GPS1: variants seen among roughly 807,000 people sequenced by gnomAD.
GPS1 encodes the protein COP9 signalosome complex subunit 1.
Under a neutral mutation model 60.0 loss-of-function variants are expected in GPS1, and 11 were observed. That is an observed-to-expected ratio of 0.18 (90% CI 0.12 to 0.30). GPS1 has a LOEUF of 0.30. GPS1 is among the 10% of genes least tolerant of loss of function. The pLI, the probability that GPS1 is intolerant of heterozygous loss-of-function variation, is 1.00. For synonymous variants in GPS1, 343 were observed against 269.8 expected (o/e 1.27, Z -2.66); for missense variants, 543 against 669.2 (o/e 0.81, Z 2.08).
At chr17:82,051,607 T>C (rs767872701), upstream of GPS1, 1 of 1,202,356 alleles carries the variant, frequency 8.3e-7, no homozygotes, top group South Asian at 2.5e-5. The surrounding 1 kb of genome is among the most constrained non-coding windows in gnomAD (Gnocchi z 4.1). Context: ...GGCCGCAGGC[T>C]GGGGGCAGCG....
chr17:82,054,570 C>A lies in GPS1; in HGVS notation c.369C>A (p.Asp123Glu). The A allele has an allele frequency of 6.3e-7, 1 of 1,596,348 alleles. No homozygotes were observed. Residue 123 changes from aspartate to glutamate, a missense_variant, in exon 4 of 13, where the codon GAC becomes GAA. Physicochemically the swap from Asp to Glu is conservative, Grantham distance 45. This residue lies in a region of GPS1 where 181 missense variants were observed against 188.8 expected (regional missense o/e 0.96). Transcript: ENST00000578552. ...PESGVEPPAL[D>E]TAWVEATRKK... is the part of the protein sequence containing the mutation. ...GCGGCGTGGAGCCCCCAGCCCTGGA[C>A]ACGGCCTGGGTGGAGGCCACGCGGA...
Position 82,054,277 on chromosome 17 carries a change from G to T in GPS1, c.308+228G>T. The stretch of plus-strand genomic sequence containing the variant: ...CCAAGGGGAGCTGTTGGAGACTGTG[G>T]CTCAGGGGCCGCCTCCCTGCTGGTT... On this transcript the variant is annotated intron_variant, in intron 3 of 12. Transcript: ENST00000578552. 5.4e-6 allele frequency: 4 copies of T among 742,426 alleles called. No individual in the cohort carries two copies. The South Asian group carries it at 7.9e-5, about 15-fold the overall frequency. The allele number at this position is 742,426 out of a possible 1,614,324, so 46.0% of individuals were successfully genotyped here.
At position 82,052,467 on chromosome 17, in the gene GPS1, C is replaced by T. The variant is rs371663355; in HGVS notation, c.33+503C>T. 4.4e-6 allele frequency: 7 copies of T among 1,608,256 alleles called. No homozygotes were observed. The African/African-American group carries it at 9.4e-5, about 22-fold the overall frequency. ...TGTACGCTGCTCTACGAGGTACCTT[C>T]CAGGACAGGGACCCCCGAGCGAGGG... On this transcript the variant is annotated intron_variant, in intron 1 of 12. Coordinates refer to ENST00000578552, the MANE Select transcript of GPS1 (RefSeq NM_001321092.3).
intron 4 of GPS1, 22 bp from the exon 5 acceptor site, chr17:82,054,876 T>C: frequency 1.3e-6 from 2 of 1,570,630 alleles, no homozygotes; most frequent in South Asian, 2.4e-5. Flanking sequence ...CGGGCTCACT[T>C]GGCTCTGCGC....
intron 2 of GPS1, 36 bp downstream of exon 2, chr17:82,053,402 G>A (rs779933635): frequency 7.1e-7 from 1 of 1,407,840 alleles, no homozygotes; most frequent in Admixed American, 3.1e-5. Flanking sequence ...GGGTGTCTCA[G>A]TCCTGCTGAG....
intron 8 of GPS1, 85 bp downstream of exon 8, chr17:82,056,180 T>G: frequency 7.2e-7 from 1 of 1,383,184 alleles, no homozygotes; most frequent in East Asian, 2.3e-5. Flanking sequence ...CCTGGCCCCC[T>G]GGCCCCAGCG....
chr17:82,057,318 G>A lies in GPS1; in HGVS notation c.*191G>A, dbSNP rs761612913. 1.3e-6 allele frequency: 1 copy of A among 778,812 alleles called. No individual in the cohort carries two copies. The highest frequency in any genetic ancestry group is 2.2e-6 in the Non-Finnish European group (1 of 450,392). The allele number at this position is 778,812 out of a possible 1,614,324, so 48.2% of individuals were successfully genotyped here. On this transcript the variant is annotated 3_prime_UTR_variant, in exon 13 of 13. Coordinates refer to ENST00000578552, the MANE Select transcript of GPS1 (RefSeq NM_001321092.3). ...GTTGTGGCCCTTCCTGGAAGGAGAG[G>A]CCTGCAGGGCTCGACCCTGTGGGTT...
At chr17:82,055,904 T>C (rs2144609503) in intron 7 of GPS1, 79 bp downstream of exon 7, 12 of 1,448,048 alleles carry the variant, frequency 8.3e-6, no homozygotes, top group African/African-American at 1.4e-5. Context: ...GTGAGGTCTC[T>C]CACAAATGGG....
Position 82,054,820 on chromosome 17 carries a change from C to T in GPS1, c.609+10C>T. 6 of 1,585,004 alleles carry T rather than the reference C, an allele frequency of 3.8e-6. No individual in the cohort carries two copies. Among genetic ancestry groups the T allele is most frequent in the Non-Finnish European group, 5.2e-6 (6 of 1,163,534 alleles). Reference sequence around the variant, plus strand: ...CCTCAATGTCATCAAGGTCGGCCTGCCTCGGCGGGCGGGGGTGGGCAGCAT... The same window carrying T: ...CCTCAATGTCATCAAGGTCGGCCTGTCTCGGCGGGCGGGGGTGGGCAGCAT... On this transcript the variant is annotated intron_variant, in intron 4 of 12. Coordinates refer to ENST00000578552, the MANE Select transcript of GPS1 (RefSeq NM_001321092.3).
chr17:82,053,655 T>C (rs1052272874), intron 2 of GPS1: 14 of 579,264 alleles, frequency 2.4e-5, no homozygotes, highest in Non-Finnish European at 4.2e-5. Flanking sequence ...GGGTGCAGGG[T>C]CCCACTCCTG....
rs373314198 is a variant in GPS1, at chr17:82,054,823, C to T, written c.609+13C>T. On this transcript the variant is annotated intron_variant, in intron 4 of 12. Transcript: ENST00000578552. ...CAATGTCATCAAGGTCGGCCTGCCT[C>T]GGCGGGCGGGGGTGGGCAGCATGGC... 7.3e-5 allele frequency: 115 copies of T among 1,583,520 alleles called. No individual in the cohort carries two copies. The highest frequency in any genetic ancestry group is 1.7e-4 in the Middle Eastern group (1 of 5,978).
At position 82,056,045 on chromosome 17, in the gene GPS1, C is replaced by T; in HGVS notation, c.879C>T (p.Ala293=). 1 of 1,612,818 alleles carries T rather than the reference C, an allele frequency of 6.2e-7. No individual in the cohort carries two copies. The highest frequency in any genetic ancestry group is 8.5e-7 in the Non-Finnish European group (1 of 1,179,934). Residue 293 remains alanine (A), a synonymous_variant, in exon 8 of 13, where the codon GCC becomes GCT. Transcript: ENST00000578552. ...SNVAIYGGLC[A]LATFDRQELQ... is the part of the protein sequence containing the mutation. The stretch of plus-strand genomic sequence containing the variant: ...TGGCCATCTACGGTGGCCTGTGCGC[C>T]TTGGCTACCTTTGACCGGCAGGAGC...
upstream of GPS1, chr17:82,051,564 CG>C: frequency 2.2e-6 from 3 of 1,376,622 alleles, no homozygotes; most frequent in Admixed American, 3.0e-5. This position sits in a 1 kb window ranked among gnomAD's most constrained non-coding sequence, Gnocchi z 4.1. Context: ...GTGGTTCTTC[CG>C]GGTGGTCTTG....
chr17:82,056,003 G>A lies in GPS1; in HGVS notation c.837G>A (p.Leu279=), dbSNP rs747001264. The part of the protein sequence containing the change: ...ASFDHCDFPE[L]LSPSNVAIYG... ...GACGCCAGGTCTCTGCTCCTCAGCT[G>A]CTGTCCCCCAGCAACGTGGCCATCT... Residue 279 remains leucine (L), a splice_region_variant and synonymous_variant, in exon 8 of 13, where the codon CTG becomes CTA. Coordinates refer to ENST00000578552, the MANE Select transcript of GPS1 (RefSeq NM_001321092.3). 6.2e-6 allele frequency: 10 copies of A among 1,610,328 alleles called. No individual in the cohort carries two copies. In the East Asian group the frequency reaches 1.8e-4, roughly 29 times the overall value.
At chr17:82,056,134 G>C (rs1295698726) in intron 8 of GPS1, 39 bp downstream of exon 8, 1 of 1,516,602 alleles carries the variant, frequency 6.6e-7, no homozygotes, top group Non-Finnish European at 9.1e-7. Flanking sequence ...GGCTGTCCCC[G>C]TCCCTCTCCG....
chr17:82,051,177 G>A (rs920131396), upstream of GPS1: 30 of 1,304,390 alleles, frequency 2.3e-5, no homozygotes, highest in Admixed American at 3.6e-4. This position sits in a 1 kb window ranked among gnomAD's most constrained non-coding sequence, Gnocchi z 4.1. Context: ...GGGCCTCCCC[G>A]GGCCTCGGGA....
Position 82,054,581 on chromosome 17 carries a change from T to A in GPS1, c.380T>A (p.Val127Glu). ...VEPPALDTAWVEATRKKALLK... is the reference protein window; with the variant it reads ...VEPPALDTAWEEATRKKALLK... ...CCCCCAGCCCTGGACACGGCCTGGGTGGAGGCCACGCGGAAGAAGGCGCTG... is the reference window on the plus strand; with the variant it reads ...CCCCCAGCCCTGGACACGGCCTGGGAGGAGGCCACGCGGAAGAAGGCGCTG... Residue 127 changes from valine to glutamate, a missense_variant, in exon 4 of 13, where the codon GTG becomes GAG. Coordinates refer to ENST00000578552, the MANE Select transcript of GPS1 (RefSeq NM_001321092.3). 1 of 1,601,348 alleles carries A rather than the reference T, an allele frequency of 6.2e-7. No homozygotes were observed.
At chr17:82,053,525 C>A in intron 2 of GPS1, 159 bp downstream of exon 2, 1 of 547,778 alleles carries the variant, frequency 1.8e-6, no homozygotes. Context: ...TGATTGCGCA[C>A]TCACATGAGG....
In GPS1 at chr17:82,054,023, C is replaced by T. The variant is rs762368763; in HGVS notation, c.282C>T (p.Ile94=). The change falls in exon 3 of 13, where the codon ATC becomes ATT. Residue 94 remains isoleucine (I), a synonymous_variant. Coordinates refer to ENST00000578552, the MANE Select transcript of GPS1 (RefSeq NM_001321092.3). ...TTAACGTGGACATGTACGAGGAGAT[C>T]CACCGCAAGCTCTCAGAGGCCACCA... ...RTFNVDMYEE[I]HRKLSEATRE... 4.3e-6 allele frequency: 7 copies of T among 1,611,614 alleles called. No homozygotes were observed. The highest frequency in any genetic ancestry group is 1.7e-5 in the Admixed American group (1 of 59,900).
Sources: gnomAD v4.1 joint callset for allele counts on GRCh38, gnomAD v4.1.1 for gene constraint, gnomAD v4.1.1 regional missense constraint, Gnocchi (gnomAD v3.1) non-coding constraint, MANE v1.5 for transcripts, NCBI Gene and HGNC (gene_info 2026-07-23, HGNC 2026-07-21) for gene names.